The following ATRNL1 variants were observed in gnomAD, a reference collection of about 807,000 sequenced individuals.
The protein encoded by ATRNL1 is attractin-like protein 1.
Under a neutral mutation model 182.7 loss-of-function variants are expected in ATRNL1, and 95 were observed. The observed-to-expected ratio is 0.52, with a 90% confidence interval of 0.44 to 0.62. ATRNL1 has a LOEUF of 0.62. Among genes scored for constraint, ATRNL1 ranks in the 20% least tolerant of loss-of-function variants. ATRNL1 has a pLI of 0.00. For synonymous variants in ATRNL1, 576 were observed against 568.3 expected, an observed-to-expected ratio of 1.01 and a Z score of -0.19; for missense variants, 1,471 against 1,679.5, an observed-to-expected ratio of 0.88 and a Z score of 2.17.
intron 27 of ATRNL1, among the ~76,000 whole-genome samples, chr10:115,845,604 C>A (rs1950909991): frequency 6.6e-6 from 1 of 151,966 alleles, no homozygotes. Context: ...ACTACTGAAT[C>A]ATTTGTCGTT....
At chr10:115,260,334 G>C (rs1020782358) in intron 10 of ATRNL1, among the ~76,000 whole-genome samples, 110 of 152,266 alleles carry the variant, frequency 7.2e-4, no homozygotes, top group African/African-American at 2.5e-3. Context: ...TTCCTAAAAT[G>C]CTGTTAGTCC....
At chr10:115,627,384 A>G (rs1232678057) in intron 26 of ATRNL1, among the ~76,000 whole-genome samples, 2 of 151,442 alleles carry the variant, frequency 1.3e-5, no homozygotes, top group Admixed American at 1.3e-4. Flanking sequence ...TTTTTTTTTG[A>G]GACATAGTCT....
chr10:115,264,875 T>C (rs1308420965), intron 10 of ATRNL1, among the ~76,000 whole-genome samples: 6 of 151,668 alleles, frequency 4.0e-5, no homozygotes, highest in Admixed American at 2.6e-4. Context: ...TAAGTTTTAC[T>C]TGGAATATTT....
chr10:115,777,173 A>G (rs1417354608), intron 27 of ATRNL1, among the ~76,000 whole-genome samples: 1 of 152,146 alleles, frequency 6.6e-6, no homozygotes, highest in Non-Finnish European at 1.5e-5. Context: ...GTTAATATAC[A>G]ATTTTACTTT....
intron 21 of ATRNL1, among the ~76,000 whole-genome samples, chr10:115,430,813 C>G (rs940597880): frequency 6.6e-6 from 1 of 151,924 alleles, no homozygotes; most frequent in Non-Finnish European, 1.5e-5. Flanking sequence ...GGGAGTGGGA[C>G]GTGGGTGCCG....
At chr10:115,414,153 T>C (rs1348415356) in intron 20 of ATRNL1, among the ~76,000 whole-genome samples, 4 of 152,064 alleles carry the variant, frequency 2.6e-5, no homozygotes, top group African/African-American at 9.7e-5. Context: ...TAATCTAAAA[T>C]AGTTTCAGAT....
chr10:115,732,664 A>T (rs1555063502), intron 27 of ATRNL1, among the ~76,000 whole-genome samples: 1 of 152,162 alleles, frequency 6.6e-6, no homozygotes, highest in Non-Finnish European at 1.5e-5. Context: ...GCTGAAGATC[A>T]CAAATTCAGT....
At chr10:115,365,414 T>C (rs1225181452) in intron 19 of ATRNL1, among the ~76,000 whole-genome samples, 1 of 151,690 alleles carries the variant, frequency 6.6e-6, no homozygotes, top group Non-Finnish European at 1.5e-5. Context: ...TCTCTCTTTT[T>C]TTCTTTATTA....
intron 27 of ATRNL1, among the ~76,000 whole-genome samples, chr10:115,810,211 T>C (rs1363252436): frequency 6.6e-6 from 1 of 152,014 alleles, no homozygotes; most frequent in Non-Finnish European, 1.5e-5. Context: ...GGATTTTTAC[T>C]GAGATGTTGA....
intron 17 of ATRNL1, among the ~76,000 whole-genome samples, chr10:115,311,811 A>G (rs76170151): frequency 0.011 from 1,609 of 151,744 alleles, 24 homozygotes; most frequent in African/African-American, 0.036. Context: ...TATATTTTAG[A>G]TTGTAATATC....
intron 9 of ATRNL1, among the ~76,000 whole-genome samples, chr10:115,219,697 G>A (rs141504114): frequency 6.6e-6 from 1 of 152,264 alleles, no homozygotes; most frequent in African/African-American, 2.4e-5. Context: ...GAACTTAGGA[G>A]TTTGAGACAA....
intron 19 of ATRNL1, among the ~76,000 whole-genome samples, chr10:115,384,261 A>G (rs1218250716): frequency 3.3e-5 from 5 of 152,040 alleles, no homozygotes; most frequent in Admixed American, 2.6e-4. Flanking sequence ...CATGTTCTTT[A>G]AAAGTGCCCT....
chr10:115,938,997 T>G (rs1219555654), intron 28 of ATRNL1, among the ~76,000 whole-genome samples: 1 of 152,152 alleles, frequency 6.6e-6, no homozygotes, highest in African/African-American at 2.4e-5. Flanking sequence ...ACTAAAAGAA[T>G]AGATTTTTAA....
intron 27 of ATRNL1, among the ~76,000 whole-genome samples, chr10:115,805,396 G>C (rs947128629): frequency 1.3e-5 from 2 of 152,000 alleles, no homozygotes; most frequent in Admixed American, 6.6e-5. Flanking sequence ...TTCTCTCTCT[G>C]TCACCATTTA....
intron 27 of ATRNL1, among the ~76,000 whole-genome samples, chr10:115,812,158 T>TTAAAA (rs1555087138): frequency 2.0e-5 from 3 of 152,140 alleles, no homozygotes; most frequent in African/African-American, 7.2e-5. Context: ...ATCTGTGTTA[T>TTAAAA]ATATTTATAT....
intron 26 of ATRNL1, among the ~76,000 whole-genome samples, chr10:115,551,743 T>G (rs1853004571): frequency 6.6e-6 from 1 of 151,498 alleles, no homozygotes; most frequent in Admixed American, 6.6e-5. Context: ...ATGTCCAAAG[T>G]AAAGATGACA....
At chr10:115,361,519 T>A (rs1343977474) in intron 19 of ATRNL1, among the ~76,000 whole-genome samples, 1 of 152,080 alleles carries the variant, frequency 6.6e-6, no homozygotes, top group African/African-American at 2.4e-5. Flanking sequence ...AATGCTTACA[T>A]AGGTGTCTAC....
In ATRNL1 at chr10:115,889,495, G is replaced by A. The variant is rs888798069; in HGVS notation, c.4018+41504G>A. Reference sequence around the variant, plus strand: ...AGGCATGCGCCACCACGCACCACCCGCAGTCAGTTTTTGTTATAATAGCTT... The same window carrying A: ...AGGCATGCGCCACCACGCACCACCCACAGTCAGTTTTTGTTATAATAGCTT... On this transcript the variant is annotated intron_variant, in intron 28 of 28. Coordinates refer to ENST00000355044, the MANE Select transcript of ATRNL1 (RefSeq NM_207303.4). Among the ~76,000 whole-genome samples, 10 of 152,010 alleles carry A rather than the reference G, an allele frequency of 6.6e-5. No individual in the cohort carries two copies. The East Asian group carries it at 1.2e-3, about 18-fold the overall frequency.
intron 18 of ATRNL1, among the ~76,000 whole-genome samples, chr10:115,329,517 C>T (rs1356602893): frequency 6.6e-6 from 1 of 152,054 alleles, no homozygotes. Context: ...GCTTTCTATA[C>T]CTCCCTTTGG....
Sources: allele counts gnomAD v4.1 joint callset (sites outside exome capture counted in the v4.1 genomes callset), GRCh38; gene constraint gnomAD v4.1.1; transcripts MANE v1.5; gene names NCBI Gene and HGNC (gene_info 2026-07-23, HGNC 2026-07-21).